The following FAF1 variants were observed in gnomAD, a reference collection of about 807,000 sequenced individuals.
FAF1 encodes Fas associated factor 1, also known as FAS-associated factor 1.
Under a neutral mutation model 92.5 loss-of-function variants are expected in FAF1, and 25 were observed. The observed-to-expected ratio is 0.27, with a 90% CI of 0.20 to 0.38. The LOEUF (loss-of-function observed/expected upper bound fraction) is 0.38. Ranked by LOEUF, FAF1 falls within the 10% of genes least tolerant of loss-of-function variation. The pLI is 1.00. For synonymous variants in FAF1, 234 were observed against 273.2 expected, an observed-to-expected ratio of 0.86 and a Z score of 1.42; for missense variants, 636 against 793.3, an observed-to-expected ratio of 0.80 and a Z score of 2.38.
chr1:50,596,728 G>T (rs1275169173), intron 8 of FAF1, among the ~76,000 whole-genome samples: 2 of 152,176 alleles, frequency 1.3e-5, no homozygotes, highest in Non-Finnish European at 2.9e-5. Context: ...ATTACAGGGT[G>T]CTTCCTCAAA....
In FAF1 at chr1:50,647,112, C is replaced by A. The variant is rs533715317; in HGVS notation, c.744+8330G>T. On this transcript the variant is annotated intron_variant, in intron 8 of 18. Coordinates refer to ENST00000396153, the MANE Select transcript of FAF1 (RefSeq NM_007051.3). ...AATCCACCTGCCTCAGCCTCCCAAACCGCTGGGAGTATAGGCATGAGCCAC... is the reference window on the plus strand; with the variant it reads ...AATCCACCTGCCTCAGCCTCCCAAAACGCTGGGAGTATAGGCATGAGCCAC... Among the ~76,000 whole-genome samples, 6 of 152,198 alleles carry A rather than the reference C, an allele frequency of 3.9e-5. No individual in the cohort carries two copies. In the South Asian group the frequency reaches 1.2e-3, roughly 32 times the overall value.
intron 4 of FAF1, among the ~76,000 whole-genome samples, chr1:50,774,105 C>T (rs977712525): frequency 3.3e-5 from 5 of 152,148 alleles, no homozygotes; most frequent in African/African-American, 7.2e-5. Flanking sequence ...ATTGATGGCA[C>T]GGAGGCAACA....
intron 4 of FAF1, among the ~76,000 whole-genome samples, chr1:50,757,525 T>G (rs1660122894): frequency 6.6e-6 from 1 of 152,234 alleles, no homozygotes; most frequent in African/African-American, 2.4e-5. Flanking sequence ...TTCATAATAT[T>G]CTTTGTCCAG....
At chr1:50,614,755 C>T (rs1216195594) in intron 8 of FAF1, among the ~76,000 whole-genome samples, 1 of 149,616 alleles carries the variant, frequency 6.7e-6, no homozygotes, top group African/African-American at 2.5e-5. Context: ...AGGAGAATCA[C>T]TTAAACCTGG....
intron 15 of FAF1, among the ~76,000 whole-genome samples, chr1:50,517,537 T>C (rs1453686050): frequency 6.6e-6 from 1 of 152,200 alleles, no homozygotes; most frequent in Non-Finnish European, 1.5e-5. Context: ...ATCCCCATTT[T>C]ATTTAAGAGG....
chr1:50,877,672 A>T (rs1644581809), intron 1 of FAF1, among the ~76,000 whole-genome samples: 1 of 152,048 alleles, frequency 6.6e-6, no homozygotes, highest in African/African-American at 2.4e-5. Context: ...TTTTATACCA[A>T]CATGTAACAG....
chr1:50,477,159 C>A (rs1003913117), intron 17 of FAF1, among the ~76,000 whole-genome samples: 7 of 152,076 alleles, frequency 4.6e-5, no homozygotes, highest in African/African-American at 1.7e-4. Context: ...TTTTTTAAAT[C>A]ATTCAAAATT....
chr1:50,656,868 G>A (rs932434474), intron 7 of FAF1, among the ~76,000 whole-genome samples: 1 of 152,088 alleles, frequency 6.6e-6, no homozygotes, highest in Non-Finnish European at 1.5e-5. Flanking sequence ...GGGCATCAGT[G>A]CGAGACTCTG....
chr1:50,788,244 AATC>A (rs982947477), intron 3 of FAF1, 39 bp from the exon 4 acceptor site: 1 of 1,546,600 alleles, frequency 6.5e-7, no homozygotes, highest in African/African-American at 1.4e-5. Context: ...TTGTCAACTA[AATC>A]ATTACAGAAT....
chr1:50,446,740 AG>A (rs1646231595), intron 18 of FAF1, among the ~76,000 whole-genome samples: 3 of 152,244 alleles, frequency 2.0e-5, no homozygotes, highest in Non-Finnish European at 1.5e-5. Context: ...ATTGAATAAA[AG>A]AAAGTCTGGA....
chr1:50,710,173 T>C (rs894972525), intron 6 of FAF1, among the ~76,000 whole-genome samples: 4 of 152,220 alleles, frequency 2.6e-5, no homozygotes, highest in Admixed American at 6.5e-5. Flanking sequence ...ATGCATATGT[T>C]TAATATTTTT....
At chr1:50,666,949 T>A (rs1655664617) in intron 7 of FAF1, among the ~76,000 whole-genome samples, 1 of 152,216 alleles carries the variant, frequency 6.6e-6, no homozygotes, top group African/African-American at 2.4e-5. Flanking sequence ...GCCCCTCTTA[T>A]GAGAGCAAAT....
At chr1:50,487,453 A>T (rs138714984) in intron 17 of FAF1, among the ~76,000 whole-genome samples, 1 of 152,068 alleles carries the variant, frequency 6.6e-6, no homozygotes, top group African/African-American at 2.4e-5. Flanking sequence ...CTCTTTCTTA[A>T]TCCCTTTGAA....
chr1:50,731,372 C>CTT lies in FAF1; in HGVS notation c.551+7489_551+7490dup, dbSNP rs369508602. On this transcript the variant is annotated intron_variant, in intron 6 of 18. Coordinates refer to ENST00000396153, the MANE Select transcript of FAF1 (RefSeq NM_007051.3). Reference sequence around the variant, plus strand: ...CTTGTCTTTCTGTTTTATCTTTTCTCTTTTTTTTTTTTTTTTGAGATGGAG... The same window carrying CTT: ...CTTGTCTTTCTGTTTTATCTTTTCTCTTTTTTTTTTTTTTTTTTGAGATGGAG... Among the ~76,000 whole-genome samples, 77 of 140,182 alleles carry CTT rather than the reference C, an allele frequency of 5.5e-4. 1 individual carries two copies. The highest frequency in any genetic ancestry group is 2.2e-3 in the Admixed American group (31 of 13,824). The allele number at this position is 140,182 out of a possible 152,430, so 92.0% of individuals were successfully genotyped here. A position where few individuals can be genotyped will look rare whatever the true frequency, so the allele number is the denominator to read the frequency against.
At chr1:50,545,418 G>A (rs1281502422) in intron 13 of FAF1, among the ~76,000 whole-genome samples, 1 of 151,938 alleles carries the variant, frequency 6.6e-6, no homozygotes, top group East Asian at 1.9e-4. Context: ...ATAGGTATGT[G>A]CCACCATGCC....
chr1:50,744,567 A>G, intron 5 of FAF1, 117 bp downstream of exon 5: 2 of 679,078 alleles, frequency 2.9e-6, no homozygotes, highest in Non-Finnish European at 5.1e-6. Context: ...CTAAATTACT[A>G]TTGCCAAATC....
At chr1:50,905,357 G>T (rs1266283783) in intron 1 of FAF1, among the ~76,000 whole-genome samples, 1 of 152,302 alleles carries the variant, frequency 6.6e-6, no homozygotes, top group East Asian at 1.9e-4. Flanking sequence ...GTGTGCATGT[G>T]TCTTTAAAGC....
intron 8 of FAF1, among the ~76,000 whole-genome samples, chr1:50,624,208 C>T (rs777647809): frequency 2.6e-5 from 4 of 152,012 alleles, no homozygotes; most frequent in Non-Finnish European, 5.9e-5. Flanking sequence ...GGTGGAGTGG[C>T]GTGATCTCAG....
At chr1:50,604,413 G>A (rs1347111904) in intron 8 of FAF1, among the ~76,000 whole-genome samples, 2 of 152,208 alleles carry the variant, frequency 1.3e-5, no homozygotes, top group African/African-American at 4.8e-5. Flanking sequence ...AGAAACTGAG[G>A]TATAGAGAGG....
Sources: gnomAD v4.1 joint callset for allele counts (sites outside exome capture counted in the v4.1 genomes callset) on GRCh38, gnomAD v4.1.1 for gene constraint, MANE v1.5 for transcripts, NCBI Gene and HGNC (gene_info 2026-07-23, HGNC 2026-07-21) for gene names.